Variants in CSNK2A2IP observed in about 807,000 individuals in gnomAD.
CSNK2A2IP encodes casein kinase 2 subunit alpha' interacting protein.
chr3:88,444,077 G>A, the CSNK2A2IP span, among the ~76,000 whole-genome samples: 15 of 151,904 alleles, frequency 9.9e-5, no homozygotes, highest in East Asian at 2.7e-3. Flanking sequence ...GTCTTTTATA[G>A]AAAGATTTTT....
At chr3:88,396,614 A>T in the CSNK2A2IP span, among the ~76,000 whole-genome samples, 1 of 152,214 alleles carries the variant, frequency 6.6e-6, no homozygotes. Context: ...TATGGTTCTG[A>T]GAGATGATCA....
chr3:88,363,159 C>G, the CSNK2A2IP span, among the ~76,000 whole-genome samples: 2 of 152,140 alleles, frequency 1.3e-5, no homozygotes, highest in Non-Finnish European at 2.9e-5. Context: ...ATAAGCAATA[C>G]AAGACTTTCC....
At chr3:88,390,284 G>A in the CSNK2A2IP span, among the ~76,000 whole-genome samples, 1 of 152,062 alleles carries the variant, frequency 6.6e-6, no homozygotes, top group Non-Finnish European at 1.5e-5. Flanking sequence ...TAGCTTTTTT[G>A]GATTAAGCAT....
the CSNK2A2IP span, among the ~76,000 whole-genome samples, chr3:88,436,538 C>T: frequency 8.6e-5 from 13 of 151,982 alleles, no homozygotes; most frequent in African/African-American, 3.1e-4. Flanking sequence ...ATAATCTTTT[C>T]ATGAAATTCA....
At chr3:88,376,873 T>C in the CSNK2A2IP span, among the ~76,000 whole-genome samples, 1 of 151,842 alleles carries the variant, frequency 6.6e-6, no homozygotes, top group Non-Finnish European at 1.5e-5. Context: ...TTAACCACTC[T>C]GCAGCACTCA....
chr3:88,461,510 G>A, the CSNK2A2IP span, among the ~76,000 whole-genome samples: 1 of 152,104 alleles, frequency 6.6e-6, no homozygotes, highest in Non-Finnish European at 1.5e-5. Context: ...CCGAGATCAA[G>A]CCACTGCACT....
At chr3:88,416,588 A>C in the CSNK2A2IP span, among the ~76,000 whole-genome samples, 2 of 152,178 alleles carry the variant, frequency 1.3e-5, no homozygotes, top group Admixed American at 1.3e-4. Flanking sequence ...ACTTCTACAA[A>C]GTCTTCGCTC....
the CSNK2A2IP span, among the ~76,000 whole-genome samples, chr3:88,438,635 G>C: frequency 3.3e-5 from 5 of 152,122 alleles, no homozygotes; most frequent in East Asian, 1.9e-4. Flanking sequence ...GCCTCACCAG[G>C]CTTCTCCACT....
chr3:88,426,799 G>A, the CSNK2A2IP span, among the ~76,000 whole-genome samples: 1 of 147,332 alleles, frequency 6.8e-6, no homozygotes, highest in African/African-American at 2.5e-5. Context: ...CTCAATTAAA[G>A]CTCTTTCCTT....
the CSNK2A2IP span, among the ~76,000 whole-genome samples, chr3:88,380,522 T>C: frequency 1.3e-5 from 2 of 151,788 alleles, no homozygotes; most frequent in African/African-American, 4.8e-5. Context: ...TTAAGATCAC[T>C]AGATCGGTAG....
the CSNK2A2IP span, among the ~76,000 whole-genome samples, chr3:88,364,324 T>C: frequency 6.6e-6 from 1 of 152,184 alleles, no homozygotes; most frequent in Admixed American, 6.5e-5. Context: ...GTAAATCTAG[T>C]TATTGTTACT....
chr3:88,465,706 G>A, the CSNK2A2IP span: 2 of 1,231,542 alleles, frequency 1.6e-6, no homozygotes, highest in Non-Finnish European at 2.0e-6. Flanking sequence ...TGCTCAAAGA[G>A]CCCTGAACTC....
the CSNK2A2IP span, among the ~76,000 whole-genome samples, chr3:88,385,045 G>A: frequency 6.6e-6 from 1 of 152,136 alleles, no homozygotes; most frequent in Non-Finnish European, 1.5e-5. Context: ...GTTTAGAACT[G>A]GGGAAAGATG....
the CSNK2A2IP span, among the ~76,000 whole-genome samples, chr3:88,445,281 A>AAAAAAAAAAAAAAAAAAAAAAAAAAAG: frequency 7.0e-6 from 1 of 142,690 alleles, no homozygotes; most frequent in Non-Finnish European, 1.5e-5. Context: ...ATACCAAAAA[A>AAAAAAAAAAAAAAAAAAAAAAAAAAAG]AAAAAAAAAA....
the CSNK2A2IP span, among the ~76,000 whole-genome samples, chr3:88,391,146 T>C: frequency 2.0e-5 from 3 of 152,182 alleles, no homozygotes; most frequent in Middle Eastern, 6.3e-3. Context: ...TTTATGTCTA[T>C]TTCTGTGATG....
At chr3:88,354,559 C>A in the CSNK2A2IP span, among the ~76,000 whole-genome samples, 1 of 152,068 alleles carries the variant, frequency 6.6e-6, no homozygotes, top group South Asian at 2.1e-4. Flanking sequence ...ATGCATAGTA[C>A]ACAGGTGAGT....
chr3:88,382,351 A>G, the CSNK2A2IP span, among the ~76,000 whole-genome samples: 1 of 152,212 alleles, frequency 6.6e-6, no homozygotes, highest in South Asian at 2.1e-4. Flanking sequence ...CAGAAGAGTG[A>G]CACTGCCTCC....
the CSNK2A2IP span, among the ~76,000 whole-genome samples, chr3:88,399,284 T>G: frequency 6.6e-6 from 1 of 152,312 alleles, no homozygotes; most frequent in South Asian, 2.1e-4. Flanking sequence ...ATTGTTAACA[T>G]TTTGAATACA....
chr3:88,461,693 AG>A, the CSNK2A2IP span, among the ~76,000 whole-genome samples: 1 of 150,932 alleles, frequency 6.6e-6, no homozygotes, highest in Admixed American at 6.6e-5. Context: ...TGCTTTTTTT[AG>A]TTTTAATTTT....
Sources: allele counts gnomAD v4.1 joint callset (sites outside exome capture counted in the v4.1 genomes callset), GRCh38; gene constraint gnomAD v4.1.1; transcripts MANE v1.5; gene names NCBI Gene and HGNC (gene_info 2026-07-23, HGNC 2026-07-21).